DPP6: variants seen among roughly 807,000 people sequenced by gnomAD.
DPP6 encodes dipeptidyl peptidase like 6, also known as A-type potassium channel modulatory protein DPP6.
Under a neutral mutation model 122.6 loss-of-function variants are expected in DPP6, and 69 were observed. The observed-to-expected ratio is 0.56, with a 90% confidence interval of 0.46 to 0.69. The LOEUF is 0.69. Among genes scored for constraint, DPP6 ranks in the 30% least tolerant of loss-of-function variants. The pLI is 0.00. For missense variants in DPP6, 928 were observed against 1,116.9 expected, an observed-to-expected ratio of 0.83 and a Z score of 2.41; for synonymous variants, 418 against 433.1, an observed-to-expected ratio of 0.97 and a Z score of 0.43.
chr7:154,580,805 C>A (rs530782420), intron 5 of DPP6, among the ~76,000 whole-genome samples: 5 of 152,162 alleles, frequency 3.3e-5, no homozygotes, highest in African/African-American at 9.6e-5. Flanking sequence ...GAACAGAGGC[C>A]GCCATGGGAA....
chr7:154,807,112 G>C lies in DPP6; in HGVS notation c.1666G>C (p.Gly556Arg), dbSNP rs1202271253. 6.2e-7 allele frequency: 1 copy of C among 1,612,596 alleles called. No individual in the cohort carries two copies. Among genetic ancestry groups the C allele is most frequent in the Non-Finnish European group, 8.5e-7 (1 of 1,179,732 alleles). The change falls in exon 16 of 26, where the codon GGT becomes CGT. Residue 556 changes from glycine to arginine, a missense_variant and splice_region_variant. Gly to Arg is a moderately radical substitution (Grantham distance 125). Transcript: ENST00000377770. ...GGACTTCTTCCTGCTCAAGTGCGAA[G>C]GTCAGCTCCTGCCACCCCGTCAGGG... ...SMDFFLLKCEGPGVPMVTVHN... is the reference protein window; with the variant it reads ...SMDFFLLKCERPGVPMVTVHN...
At chr7:154,656,462 C>T (rs562338719) in intron 6 of DPP6, among the ~76,000 whole-genome samples, 2 of 151,864 alleles carry the variant, frequency 1.3e-5, no homozygotes, top group Non-Finnish European at 2.9e-5. Flanking sequence ...GAAGCAGCAG[C>T]CGCAGCATGT....
chr7:153,924,427 G>A (rs1425317384), intron 1 of DPP6, among the ~76,000 whole-genome samples: 1 of 152,106 alleles, frequency 6.6e-6, no homozygotes, highest in Non-Finnish European at 1.5e-5. Flanking sequence ...GTTTTGAGGA[G>A]GTTTAAATGA....
chr7:154,076,949 C>T (rs1053556832), intron 1 of DPP6, among the ~76,000 whole-genome samples: 2 of 152,000 alleles, frequency 1.3e-5, no homozygotes, highest in Admixed American at 1.3e-4. Context: ...ACCGAAAAAC[C>T]ACAGATTCCT....
intron 1 of DPP6, among the ~76,000 whole-genome samples, chr7:154,395,854 A>G (rs1197426458): frequency 1.3e-5 from 2 of 151,672 alleles, no homozygotes; most frequent in Admixed American, 1.3e-4. Flanking sequence ...AAAATATTTC[A>G]GTCTTTTGTC....
At chr7:154,741,382 C>A (rs1842815380) in intron 8 of DPP6, among the ~76,000 whole-genome samples, 2 of 152,244 alleles carry the variant, frequency 1.3e-5, no homozygotes, top group African/African-American at 2.4e-5. Flanking sequence ...TTAGCCCCTC[C>A]CCAGCACATC....
intron 1 of DPP6, among the ~76,000 whole-genome samples, chr7:154,083,570 C>T (rs552643498): frequency 3.3e-5 from 5 of 150,918 alleles, no homozygotes; most frequent in South Asian, 2.1e-4. Flanking sequence ...ATGCTGAGCA[C>T]CACTTCTCTT....
At chr7:154,112,056 G>A (rs1289158895) in intron 1 of DPP6, among the ~76,000 whole-genome samples, 1 of 152,108 alleles carries the variant, frequency 6.6e-6, no homozygotes, top group East Asian at 1.9e-4. Flanking sequence ...TTGCATGTTG[G>A]CTGGAGTGGA....
chr7:154,245,635 CA>C (rs71182888), intron 1 of DPP6, among the ~76,000 whole-genome samples: 64,272 of 100,444 alleles, frequency 0.64, 18,582 homozygotes, highest in East Asian at 0.8. Context: ...AAGACTGTCT[CA>C]AAAAAAAAAA....
chr7:154,131,006 C>G (rs547936326), intron 1 of DPP6, among the ~76,000 whole-genome samples: 2 of 151,964 alleles, frequency 1.3e-5, no homozygotes, highest in Non-Finnish European at 2.9e-5. Flanking sequence ...CGTCAGTGGC[C>G]GATTCAGAAG....
chr7:153,764,231 G>T, the DPP6 span, among the ~76,000 whole-genome samples: 14 of 152,232 alleles, frequency 9.2e-5, no homozygotes, highest in African/African-American at 3.4e-4. Flanking sequence ...AGTGGCTGTG[G>T]GTCTGGAAAC....
intron 1 of DPP6, among the ~76,000 whole-genome samples, chr7:154,250,084 A>C (rs138409294): frequency 0.01 from 1,532 of 152,172 alleles, 22 homozygotes; most frequent in African/African-American, 0.035. Flanking sequence ...TTACCGGTGC[A>C]TGCAGCCCCC....
At chr7:153,906,839 C>A (rs973763201) in intron 1 of DPP6, among the ~76,000 whole-genome samples, 4 of 152,186 alleles carry the variant, frequency 2.6e-5, no homozygotes, top group Admixed American at 6.5e-5. Flanking sequence ...AGTTTTCATT[C>A]TTTCATATGG....
intron 1 of DPP6, among the ~76,000 whole-genome samples, chr7:154,117,442 G>A (rs1807073787): frequency 6.6e-6 from 1 of 152,126 alleles, no homozygotes; most frequent in South Asian, 2.1e-4. Flanking sequence ...AGGGGGAAGG[G>A]AACCCACGTT....
chr7:154,588,003 G>T, intron 5 of DPP6: 1 of 1,612,900 alleles, frequency 6.2e-7, no homozygotes, highest in Non-Finnish European at 8.5e-7. Flanking sequence ...AGTGTGGCAG[G>T]TGTGAGGCAT....
At position 154,885,486 on chromosome 7, in the gene DPP6, C is replaced by T. The variant is rs1422281517; in HGVS notation, c.2134-147C>T. On this transcript the variant is annotated intron_variant, in intron 21 of 25. Coordinates refer to ENST00000377770, the MANE Select transcript of DPP6 (RefSeq NM_130797.4). ...TGCTTTTCATCTCTTGTTACTGCCC[C>T]GTGAACAACTTTCCAAGTGACACAT... The T allele has an allele frequency of 2.0e-5, 23 of 1,155,168 alleles. No homozygotes were observed. In the South Asian group the frequency reaches 2.6e-4, roughly 13 times the overall value. The allele number at this position is 1,155,168 out of a possible 1,614,324, so 71.6% of individuals were successfully genotyped here.
At chr7:154,777,718 G>T (rs1016000349) in intron 10 of DPP6, among the ~76,000 whole-genome samples, 5 of 152,038 alleles carry the variant, frequency 3.3e-5, no homozygotes, top group Admixed American at 6.5e-5. Context: ...GATCCTGTTT[G>T]GATGCAGCGC....
At chr7:154,663,693 A>T (rs4960705) in intron 6 of DPP6, among the ~76,000 whole-genome samples, 1 of 23,382 alleles carries the variant, frequency 4.3e-5, no homozygotes, top group African/African-American at 7.5e-5. Context: ...TCACCATGGC[A>T]TATCGGCCGT....
chr7:154,140,059 A>T (rs191046259), intron 1 of DPP6, among the ~76,000 whole-genome samples: 1 of 152,164 alleles, frequency 6.6e-6, no homozygotes, highest in African/African-American at 2.4e-5. Context: ...ATTAGGTCTG[A>T]TGGGGGGTAG....
Sources: gnomAD v4.1 joint callset for allele counts (sites outside exome capture counted in the v4.1 genomes callset) on GRCh38, gnomAD v4.1.1 for gene constraint, MANE v1.5 for transcripts, NCBI Gene and HGNC (gene_info 2026-07-23, HGNC 2026-07-21) for gene names.